TMEM266: variants seen among roughly 807,000 people sequenced by gnomAD.
TMEM266 encodes the protein transmembrane protein 266.
In TMEM266, 33 loss-of-function variants were observed where a neutral mutation model predicts 50.5. That is an observed-to-expected ratio of 0.65 (90% CI 0.50 to 0.87). The LOEUF (loss-of-function observed/expected upper bound fraction) is 0.87. Ranked by LOEUF, TMEM266 falls within the 40% of genes least tolerant of loss-of-function variation. TMEM266 has a pLI of 0.00. For missense variants in TMEM266, 655 were observed against 695.1 expected (o/e 0.94, Z 0.65); for synonymous variants, 310 against 292.3 (o/e 1.06, Z -0.62).
intron 9 of TMEM266, among the ~76,000 whole-genome samples, chr15:76,197,600 C>T (rs978067580): frequency 6.6e-6 from 1 of 152,258 alleles, no homozygotes; most frequent in African/African-American, 2.4e-5. Context: ...GCACAGCTCT[C>T]ATCCCTTGTA....
intron 1 of TMEM266, among the ~76,000 whole-genome samples, chr15:76,128,627 G>A (rs541251105): frequency 9.5e-4 from 145 of 152,284 alleles, no homozygotes; most frequent in African/African-American, 3.4e-3. Context: ...TTTTGTTTGG[G>A]AAATATTATT....
rs982771593 is a variant in TMEM266, at chr15:76,078,050, CTG to C, written c.-97+18039_-97+18040del. ...GTTTAACATCCTGTTTAGAGAAAAA[CTG>C]TGTGGATGGTAGTGGGGCAGTTGAC... On this transcript the variant is annotated intron_variant, in intron 1 of 10. Coordinates refer to ENST00000388942, the MANE Select transcript of TMEM266 (RefSeq NM_152335.3). Among the ~76,000 whole-genome samples the C allele has an allele frequency of 6.6e-5, 10 of 152,030 alleles. 1 individual carries two copies. Among genetic ancestry groups the C allele is most frequent in the African/African-American group, 1.9e-4 (8 of 41,298 alleles).
intron 1 of TMEM266, among the ~76,000 whole-genome samples, chr15:76,107,108 A>G (rs2037093808): frequency 2.0e-5 from 3 of 152,212 alleles, no homozygotes; most frequent in African/African-American, 2.4e-5. Flanking sequence ...AAAATTTTCT[A>G]GTTAGCACAT....
Position 76,137,696 on chromosome 15 carries a change from C to A in TMEM266, c.39-11C>A, listed in dbSNP as rs750138418. Reference sequence around the variant, plus strand: ...ATAACTCTTTCCCATTGTTCCTCCTCTCCAACCCAGGCCTGCCATAGAAGG... The same window carrying A: ...ATAACTCTTTCCCATTGTTCCTCCTATCCAACCCAGGCCTGCCATAGAAGG... On this transcript the variant is annotated splice_polypyrimidine_tract_variant and intron_variant, in intron 2 of 10. Coordinates refer to ENST00000388942, the MANE Select transcript of TMEM266 (RefSeq NM_152335.3). The A allele has an allele frequency of 6.2e-7, 1 of 1,613,672 alleles. No individual in the cohort carries two copies. Among genetic ancestry groups the A allele is most frequent in the South Asian group, 1.1e-5 (1 of 91,048 alleles).
At chr15:76,137,632 C>A in intron 2 of TMEM266, 75 bp from the exon 3 acceptor site, 1 of 1,439,236 alleles carries the variant, frequency 6.9e-7, no homozygotes, top group Non-Finnish European at 9.7e-7. Flanking sequence ...ATTCTCCCTC[C>A]TTTCCTTGAG....
At chr15:76,099,017 C>G (rs992164507) in intron 1 of TMEM266, among the ~76,000 whole-genome samples, 2 of 152,176 alleles carry the variant, frequency 1.3e-5, no homozygotes, top group African/African-American at 2.4e-5. Context: ...TTGCTGGGCT[C>G]CATGGTGGTG....
intron 1 of TMEM266, among the ~76,000 whole-genome samples, chr15:76,103,311 T>C (rs1033466576): frequency 6.7e-6 from 1 of 150,220 alleles, no homozygotes; most frequent in Admixed American, 6.6e-5. Flanking sequence ...AAGAACAGCC[T>C]GGGCAAAGTC....
At chr15:76,066,426 A>C (rs2036420074) in intron 1 of TMEM266, among the ~76,000 whole-genome samples, 1 of 152,194 alleles carries the variant, frequency 6.6e-6, no homozygotes, top group South Asian at 2.1e-4. Flanking sequence ...AAGCTGTTAG[A>C]ATTTTTAAGA....
intron 8 of TMEM266, among the ~76,000 whole-genome samples, chr15:76,184,757 CA>C (rs1488238249): frequency 6.6e-6 from 1 of 152,174 alleles, no homozygotes; most frequent in Non-Finnish European, 1.5e-5. Context: ...CCTGGGCTTG[CA>C]TTAAAAGCCC....
chr15:76,178,680 A>G (rs1425371884), intron 8 of TMEM266: 1 of 152,030 alleles, frequency 6.6e-6, no homozygotes, highest in Non-Finnish European at 1.5e-5. Context: ...AGTCACCTCC[A>G]CATGTGGCCT....
chr15:76,106,029 CCT>C (rs778454130), intron 1 of TMEM266, among the ~76,000 whole-genome samples: 34 of 152,188 alleles, frequency 2.2e-4, no homozygotes, highest in Non-Finnish European at 7.3e-5. Context: ...TGTCTAGCAA[CCT>C]CTCTCCTCCA....
At chr15:76,127,271 A>G (rs2037437731) in intron 1 of TMEM266, among the ~76,000 whole-genome samples, 1 of 152,072 alleles carries the variant, frequency 6.6e-6, no homozygotes, top group African/African-American at 2.4e-5. Context: ...ATGCGGGGGA[A>G]AAAAGAGCTT....
At chr15:76,143,593 C>T (rs1211206676) in intron 3 of TMEM266, among the ~76,000 whole-genome samples, 1 of 152,198 alleles carries the variant, frequency 6.6e-6, no homozygotes. Flanking sequence ...TGGGCTCAAG[C>T]CATTCTCCCG....
At chr15:76,198,628 T>C (rs1343854678) in intron 9 of TMEM266, among the ~76,000 whole-genome samples, 1 of 152,222 alleles carries the variant, frequency 6.6e-6, no homozygotes, top group Admixed American at 6.5e-5. Context: ...GATCCAACCA[T>C]AGTCTTCTGT....
At chr15:76,114,961 A>G (rs1225299371) in intron 1 of TMEM266, among the ~76,000 whole-genome samples, 2 of 152,044 alleles carry the variant, frequency 1.3e-5, no homozygotes, top group African/African-American at 4.8e-5. Context: ...CATCATGTCT[A>G]GATTTGTTAA....
At chr15:76,132,504 AATT>A (rs1461645587) in intron 1 of TMEM266, among the ~76,000 whole-genome samples, 3 of 152,072 alleles carry the variant, frequency 2.0e-5, no homozygotes, top group Admixed American at 6.6e-5. Flanking sequence ...ATAAAAAAAT[AATT>A]ATTATGGGCG....
rs553898032 is a variant in TMEM266 at position 76,153,367 on chromosome 15, G to A, written c.228-3237G>A. On this transcript the variant is annotated intron_variant, in intron 3 of 10. Coordinates refer to ENST00000388942, the MANE Select transcript of TMEM266 (RefSeq NM_152335.3). The surrounding 1 kb of genome is among the most constrained non-coding windows in gnomAD (Gnocchi z 4.2). ...AAGGCACGAAGGTGAACAAATGCCCGGCACCTTCCGTGGAACGTGAAGACG... is the reference window on the plus strand; with the variant it reads ...AAGGCACGAAGGTGAACAAATGCCCAGCACCTTCCGTGGAACGTGAAGACG... 6.6e-5 allele frequency among the ~76,000 whole-genome samples: 10 copies of A among 152,320 alleles called. No individual in the cohort carries two copies. Among genetic ancestry groups the A allele is most frequent in the South Asian group, 4.1e-4 (2 of 4,826 alleles).
intron 3 of TMEM266, among the ~76,000 whole-genome samples, chr15:76,142,749 A>G (rs1446329680): frequency 6.6e-6 from 1 of 152,216 alleles, no homozygotes; most frequent in East Asian, 1.9e-4. Flanking sequence ...TGACTTGCCT[A>G]GAAGCCCTTT....
chr15:76,072,438 CA>C (rs766766619), intron 1 of TMEM266, among the ~76,000 whole-genome samples: 1,825 of 54,550 alleles, frequency 0.033, 31 homozygotes, highest in African/African-American at 0.1. Flanking sequence ...AAAACTCTGT[CA>C]AAAAAAAAAA....
Sources: allele counts gnomAD v4.1 joint callset (sites outside exome capture counted in the v4.1 genomes callset), GRCh38; gene constraint gnomAD v4.1.1; non-coding constraint Gnocchi (gnomAD v3.1); transcripts MANE v1.5; gene names NCBI Gene and HGNC (gene_info 2026-07-23, HGNC 2026-07-21).